ADD2: variants seen among roughly 807,000 people sequenced by gnomAD.
ADD2 encodes beta-adducin.
ADD2 carries 23 observed loss-of-function variants against 83.0 expected under a neutral mutation model. The ratio of observed to expected loss-of-function variants is 0.28; its 90% CI spans 0.20 to 0.39. ADD2 has a LOEUF of 0.39. Among genes scored for constraint, ADD2 ranks in the 10% least tolerant of loss-of-function variants. The pLI is 1.00. For missense variants in ADD2, 758 were observed against 944.9 expected, an observed-to-expected ratio of 0.80 and a Z score of 2.59; for synonymous variants, 375 against 375.4, an observed-to-expected ratio of 1.00 and a Z score of 0.01.
At chr2:70,729,942 T>C (rs1340533150) in intron 1 of ADD2, among the ~76,000 whole-genome samples, 1 of 151,638 alleles carries the variant, frequency 6.6e-6, no homozygotes, top group Non-Finnish European at 1.5e-5. Context: ...CATTTAAAAC[T>C]TTCTTTTAAT....
intron 1 of ADD2, among the ~76,000 whole-genome samples, chr2:70,761,561 T>C (rs1675094317): frequency 7.2e-6 from 1 of 138,422 alleles, no homozygotes; most frequent in Non-Finnish European, 1.5e-5. Flanking sequence ...TGAGATGAGA[T>C]TGTACCACTG....
intron 1 of ADD2, among the ~76,000 whole-genome samples, chr2:70,762,972 C>T (rs1675198344): frequency 6.6e-6 from 1 of 151,942 alleles, no homozygotes; most frequent in South Asian, 2.1e-4. Context: ...TCCCAAAGTG[C>T]TGGGATTACA....
chr2:70,676,154 G>A lies in ADD2; in HGVS notation c.1593+642C>T, dbSNP rs782360483. ...AAAATGTCATGCCCATTGCTACCTT[G>A]CAAGGAGCAGCAGTGATTTCAAACA... On this transcript the variant is annotated intron_variant, in intron 13 of 15. Transcript: ENST00000264436. This position sits in a 1 kb window ranked among gnomAD's most constrained non-coding sequence, Gnocchi z 4.8. 1.0e-6 allele frequency: 1 copy of A among 985,390 alleles called. No homozygotes were observed. Among genetic ancestry groups the A allele is most frequent in the African/African-American group, 1.7e-5 (1 of 57,234 alleles). 61.0% of individuals were successfully genotyped at this position (985,390 alleles called of 1,614,324 possible). A position where few individuals can be genotyped will look rare whatever the true frequency, so the allele number is the denominator to read the frequency against.
At chr2:70,671,751 C>T (rs1181937424) in intron 15 of ADD2, among the ~76,000 whole-genome samples, 1 of 152,176 alleles carries the variant, frequency 6.6e-6, no homozygotes, top group Non-Finnish European at 1.5e-5. Flanking sequence ...CAACACTGGG[C>T]CTGCACAGGA....
Position 70,657,885 on chromosome 2 carries a change from C to T in ADD2, c.*5540G>A, listed in dbSNP as rs1035362435. On this transcript the variant is annotated 3_prime_UTR_variant, in exon 16 of 16. Coordinates refer to ENST00000264436, the MANE Select transcript of ADD2 (RefSeq NM_001617.4). ...TGACTCTACTAGAAAACTGCCAGTG[C>T]TTTCTCACACTGAGCCTCAGACTCC... is the stretch of plus-strand genomic sequence containing the variant. 1 of 152,230 alleles carries T rather than the reference C, an allele frequency of 6.6e-6. No homozygotes were observed. Among genetic ancestry groups the T allele is most frequent in the Non-Finnish European group, 1.5e-5 (1 of 68,100 alleles). The allele number at this position is 152,230 out of a possible 1,614,324, so 9.4% of individuals were successfully genotyped here.
At position 70,697,465 on chromosome 2, in the gene ADD2, C is replaced by T. The variant is rs10489988; in HGVS notation, c.323-1069G>A. 9.5e-3 allele frequency among the ~76,000 whole-genome samples: 1,447 copies of T among 152,286 alleles called. 24 individuals are homozygous for T. Among genetic ancestry groups the T allele is most frequent in the African/African-American group, 0.031 (1,284 of 41,556 alleles). On this transcript the variant is annotated intron_variant, in intron 4 of 15. Coordinates refer to ENST00000264436, the MANE Select transcript of ADD2 (RefSeq NM_001617.4). ...AACCATGATGACCACTGCCTACATGCCTCAGGAAGGGAGCAGAGGGCATCT... is the reference window on the plus strand; with the variant it reads ...AACCATGATGACCACTGCCTACATGTCTCAGGAAGGGAGCAGAGGGCATCT...
intron 1 of ADD2, among the ~76,000 whole-genome samples, chr2:70,728,436 G>A (rs1240776946): frequency 1.3e-5 from 2 of 152,204 alleles, no homozygotes; most frequent in Non-Finnish European, 2.9e-5. Flanking sequence ...AGATGCCTGT[G>A]TGAGGAGTCA....
intron 6 of ADD2, among the ~76,000 whole-genome samples, chr2:70,693,736 C>A (rs782316966): frequency 1.3e-4 from 20 of 152,200 alleles, no homozygotes; most frequent in Non-Finnish European, 2.4e-4. Context: ...CCAGCTCCCC[C>A]ACTTCCTCAG....
At chr2:70,765,874 G>T (rs1158502979) in intron 1 of ADD2, among the ~76,000 whole-genome samples, 3 of 152,076 alleles carry the variant, frequency 2.0e-5, no homozygotes, top group African/African-American at 7.2e-5. Flanking sequence ...CCATATTTAT[G>T]AATCCCTGTA....
chr2:70,726,785 G>A (rs1429280155), intron 1 of ADD2, among the ~76,000 whole-genome samples: 8 of 152,136 alleles, frequency 5.3e-5, no homozygotes, highest in Non-Finnish European at 1.2e-4. Context: ...GCATGCCCCA[G>A]GTTTGGGGAG....
chr2:70,711,723 T>C (rs1010780598), intron 2 of ADD2, among the ~76,000 whole-genome samples: 3 of 152,226 alleles, frequency 2.0e-5, no homozygotes, highest in African/African-American at 7.2e-5. Context: ...CTCTGACCTA[T>C]GGATGCATCT....
chr2:70,691,037 A>G, intron 7 of ADD2, 108 bp from the exon 8 acceptor site: 4 of 1,370,728 alleles, frequency 2.9e-6, no homozygotes, highest in Non-Finnish European at 2.9e-6. Context: ...AGGGGTGAGG[A>G]GTGAGGGGTG....
At position 70,704,310 on chromosome 2, in the gene ADD2, A is replaced by G. The variant is rs1553373980; in HGVS notation, c.322+11T>C. 1 of 1,345,296 alleles carries G rather than the reference A, an allele frequency of 7.4e-7. No individual in the cohort carries two copies. The highest frequency in any genetic ancestry group is 2.0e-5 in the Admixed American group (1 of 50,550). 83.3% of individuals were successfully genotyped at this position (1,345,296 alleles called of 1,614,324 possible). ...ACCTCTGCTCCTGGCAGCTCCCCAGACACCACATACTCATGGAAGATGTCG... is the reference window on the plus strand; with the variant it reads ...ACCTCTGCTCCTGGCAGCTCCCCAGGCACCACATACTCATGGAAGATGTCG... On this transcript the variant is annotated intron_variant, in intron 4 of 15. Coordinates refer to ENST00000264436, the MANE Select transcript of ADD2 (RefSeq NM_001617.4).
At chr2:70,703,408 G>A (rs1220262911) in intron 4 of ADD2, among the ~76,000 whole-genome samples, 1 of 152,174 alleles carries the variant, frequency 6.6e-6, no homozygotes, top group Admixed American at 6.5e-5. Flanking sequence ...GACCAGGGTA[G>A]AGGAAATGGG....
At position 70,686,670 on chromosome 2, in the gene ADD2, G is replaced by A. The variant is rs529281025; in HGVS notation, c.948+1354C>T. On this transcript the variant is annotated intron_variant, in intron 9 of 15. Transcript: ENST00000264436. Reference sequence around the variant, plus strand: ...TGTGGGAAAGGGAGAGTAGCTTCCCGGTATCCCAGAGGCTCCACCAGATTC... The same window carrying A: ...TGTGGGAAAGGGAGAGTAGCTTCCCAGTATCCCAGAGGCTCCACCAGATTC... 3.3e-5 allele frequency among the ~76,000 whole-genome samples: 5 copies of A among 152,236 alleles called. No homozygotes were observed. In the East Asian group the frequency reaches 7.7e-4, roughly 24 times the overall value.
Position 70,663,401 on chromosome 2 carries a change from G to A in ADD2, c.*24C>T, listed in dbSNP as rs781899497. 5.1e-5 allele frequency: 82 copies of A among 1,595,688 alleles called. No individual in the cohort carries two copies. Among genetic ancestry groups the A allele is most frequent in the Middle Eastern group, 1.9e-4 (1 of 5,374 alleles). On this transcript the variant is annotated 3_prime_UTR_variant, in exon 16 of 16. Transcript: ENST00000264436. ...GAAGGGGAGGAGAGAGAGGAGGCAG[G>A]AGGGAGCCCAAGGGTGTCATGAATC...
At chr2:70,688,187 T>TA (rs35866399) in intron 8 of ADD2, 65 bp from the exon 9 acceptor site, 13 of 1,364,974 alleles carry the variant, frequency 9.5e-6, no homozygotes, top group Admixed American at 5.5e-5. Context: ...GAGGGAGAGG[T>TA]TTTCCATTTT....
rs1553367478 is a variant in ADD2 at position 70,673,197 on chromosome 2, T to C, written c.1742-191A>G. 3 of 1,602,206 alleles carry C rather than the reference T, an allele frequency of 1.9e-6. No homozygotes were observed. The African/African-American group carries it at 4.0e-5, about 21-fold the overall frequency. Reference sequence around the variant, plus strand: ...TCTGCTACTTCCCTGGGAAGGCCAATGGGAGAGGGTGGAGTCATGTTTCCT... The same window carrying C: ...TCTGCTACTTCCCTGGGAAGGCCAACGGGAGAGGGTGGAGTCATGTTTCCT... On this transcript the variant is annotated intron_variant, in intron 14 of 15. Transcript: ENST00000264436.
chr2:70,696,750 G>T (rs773798815), intron 4 of ADD2, among the ~76,000 whole-genome samples: 2 of 152,096 alleles, frequency 1.3e-5, no homozygotes, highest in African/African-American at 4.8e-5. Flanking sequence ...GGAAACATGG[G>T]TATATTTCAT....
Sources: gnomAD v4.1 joint callset for allele counts (sites outside exome capture counted in the v4.1 genomes callset) on GRCh38, gnomAD v4.1.1 for gene constraint, Gnocchi (gnomAD v3.1) non-coding constraint, MANE v1.5 for transcripts, NCBI Gene and HGNC (gene_info 2026-07-23, HGNC 2026-07-21) for gene names.